RUFY2: variants seen among roughly 807,000 people sequenced by gnomAD.
The protein encoded by RUFY2 is RUN and FYVE domain-containing protein 2.
RUFY2 carries 49 observed loss-of-function variants against 94.4 expected under a neutral mutation model. The ratio of observed to expected loss-of-function variants is 0.52; its 90% CI spans 0.41 to 0.66. The LOEUF is 0.66. RUFY2 is among the 30% of genes least tolerant of loss of function. The pLI is 0.00. For synonymous variants in RUFY2, 255 were observed against 235.7 expected, an observed-to-expected ratio of 1.08 and a Z score of -0.75; for missense variants, 541 against 692.8, an observed-to-expected ratio of 0.78 and a Z score of 2.46.
At chr10:68,376,816 T>C in intron 13 of RUFY2, 37 bp downstream of exon 13, 1 of 1,593,478 alleles carries the variant, frequency 6.3e-7, no homozygotes, top group Non-Finnish European at 8.6e-7. Context: ...GGGGTTATGT[T>C]AACACAAGTA....
At chr10:68,347,540 T>C (rs183541388) in intron 16 of RUFY2, among the ~76,000 whole-genome samples, 1 of 152,244 alleles carries the variant, frequency 6.6e-6, no homozygotes, top group East Asian at 1.9e-4. Context: ...CACTTCGGCC[T>C]CCCAAAGTGC....
At chr10:68,389,591 A>G (rs2049824217) in intron 7 of RUFY2, among the ~76,000 whole-genome samples, 1 of 146,902 alleles carries the variant, frequency 6.8e-6, no homozygotes, top group Non-Finnish European at 1.5e-5. Flanking sequence ...CTCTGTCTCG[A>G]AAAAAAAAAA....
chr10:68,354,975 T>C (rs1346836735), intron 16 of RUFY2, among the ~76,000 whole-genome samples: 3 of 151,732 alleles, frequency 2.0e-5, no homozygotes, highest in Non-Finnish European at 4.4e-5. Flanking sequence ...GCCTCCTGAG[T>C]GGCTGGGATT....
chr10:68,366,686 G>A (rs1397020629), intron 13 of RUFY2, among the ~76,000 whole-genome samples: 3 of 146,474 alleles, frequency 2.0e-5, no homozygotes, highest in Non-Finnish European at 4.5e-5. Flanking sequence ...AGGTTGCAGT[G>A]AGCTAAAATC....
chr10:68,357,385 C>A (rs2047136000), intron 15 of RUFY2, among the ~76,000 whole-genome samples: 1 of 151,728 alleles, frequency 6.6e-6, no homozygotes, highest in Non-Finnish European at 1.5e-5. Flanking sequence ...GTTGTCACCA[C>A]ACCCAGCTAA....
chr10:68,374,171 C>T (rs1231356322), intron 13 of RUFY2, among the ~76,000 whole-genome samples: 1 of 146,420 alleles, frequency 6.8e-6, no homozygotes, highest in Non-Finnish European at 1.5e-5. Flanking sequence ...GATGGTGGCT[C>T]ACACCTGTAA....
At chr10:68,348,714 T>C (rs773852416) in intron 16 of RUFY2, among the ~76,000 whole-genome samples, 2 of 152,172 alleles carry the variant, frequency 1.3e-5, no homozygotes, top group Non-Finnish European at 2.9e-5. Flanking sequence ...TCATTGAAAC[T>C]ACCTGCCGCC....
At chr10:68,365,790 T>C (rs2047766481) in intron 13 of RUFY2, among the ~76,000 whole-genome samples, 2 of 151,908 alleles carry the variant, frequency 1.3e-5, no homozygotes, top group Admixed American at 1.3e-4. Context: ...TCAGTCAGAG[T>C]TTCCAAGAAC....
rs749052049 is a variant in RUFY2 at position 68,386,118 on chromosome 10, T to C, written c.661A>G (p.Ser221Gly). ...GAATCAACTCTTGAATGGAGGCTGCTGACTGTGCTGCTGAAATTAAGAAAC... is the reference window on the plus strand; with the variant it reads ...GAATCAACTCTTGAATGGAGGCTGCCGACTGTGCTGCTGAAATTAAGAAAC... ...ELNRQLNSTVSSLHSRVDSLE... is the reference protein window; with the variant it reads ...ELNRQLNSTVGSLHSRVDSLE... The change falls in exon 8 of 18, where the codon AGC becomes GGC. Residue 221 changes from serine (S) to glycine (G), a missense_variant. Around this residue, in one of 3 missense-constraint regions of RUFY2, gnomAD observed 403 missense variants for 480.7 expected, o/e 0.84. Transcript: ENST00000602465. 7.4e-6 allele frequency: 12 copies of C among 1,610,862 alleles called. No homozygotes were observed. Among genetic ancestry groups the C allele is most frequent in the Non-Finnish European group, 1.0e-5 (12 of 1,178,874 alleles).
intron 10 of RUFY2, among the ~76,000 whole-genome samples, chr10:68,382,978 G>A (rs553027329): frequency 1.7e-3 from 253 of 152,010 alleles, no homozygotes; most frequent in Middle Eastern, 3.4e-3. Context: ...TTTCTATAAC[G>A]CTGGTCATAA....
At chr10:68,349,571 C>A (rs2046519362) in intron 16 of RUFY2, among the ~76,000 whole-genome samples, 1 of 151,970 alleles carries the variant, frequency 6.6e-6, no homozygotes, top group South Asian at 2.1e-4. Flanking sequence ...CAGAGTCTCG[C>A]TCTGTCACCC....
intron 16 of RUFY2, 79 bp from the exon 17 acceptor site, chr10:68,346,163 ATT>A: frequency 3.1e-6 from 3 of 979,002 alleles, no homozygotes; most frequent in Non-Finnish European, 4.6e-6. Context: ...CAAGAACATT[ATT>A]TATAGGAATA....
intron 8 of RUFY2, among the ~76,000 whole-genome samples, chr10:68,384,607 T>C (rs2049341588): frequency 6.6e-6 from 1 of 152,112 alleles, no homozygotes; most frequent in African/African-American, 2.4e-5. Flanking sequence ...GGTAACTGAG[T>C]TGGACACCCC....
chr10:68,396,954 C>A (rs1388186211), intron 3 of RUFY2, 73 bp from the exon 4 acceptor site: 1 of 961,280 alleles, frequency 1.0e-6, no homozygotes, highest in African/African-American at 1.6e-5. Flanking sequence ...TAGAGGTAAA[C>A]ATTAACAAGG....
chr10:68,380,159 C>T (rs1589900774), intron 11 of RUFY2, among the ~76,000 whole-genome samples: 1 of 149,792 alleles, frequency 6.7e-6, no homozygotes, highest in South Asian at 2.1e-4. Flanking sequence ...AGGCTGGTCT[C>T]GAACTCCTGG....
intron 12 of RUFY2, chr10:68,377,209 G>T: frequency 7.4e-7 from 1 of 1,348,270 alleles, no homozygotes; most frequent in Non-Finnish European, 9.5e-7. Flanking sequence ...CTTCAAATTT[G>T]TTTTATTTCT....
chr10:68,341,920 T>G (rs983626708), downstream of RUFY2: 1 of 1,596,606 alleles, frequency 6.3e-7, no homozygotes, highest in Non-Finnish European at 8.6e-7. Flanking sequence ...CAGGTATTAC[T>G]TTTATTATTT....
At chr10:68,405,762 T>C (rs1350379293) in intron 1 of RUFY2, 6 of 948,412 alleles carry the variant, frequency 6.3e-6, no homozygotes, top group Non-Finnish European at 7.5e-6. Flanking sequence ...ATTGCATGAC[T>C]GTTTTATTTT....
chr10:68,383,296 G>A (rs1484706404), intron 10 of RUFY2, among the ~76,000 whole-genome samples: 1 of 151,938 alleles, frequency 6.6e-6, no homozygotes, highest in Non-Finnish European at 1.5e-5. Flanking sequence ...CTGCACTCCA[G>A]CCTGAGTGAC....
Sources: allele counts gnomAD v4.1 joint callset (sites outside exome capture counted in the v4.1 genomes callset), GRCh38; gene constraint gnomAD v4.1.1; regional missense constraint gnomAD v4.1.1; transcripts MANE v1.5; gene names NCBI Gene and HGNC (gene_info 2026-07-23, HGNC 2026-07-21).